RAPGEF5: variants seen among roughly 807,000 people sequenced by gnomAD.
The protein encoded by RAPGEF5 is Rap guanine nucleotide exchange factor 5.
A neutral mutation model predicts 125.2 loss-of-function variants in RAPGEF5; 65 were observed. The observed-to-expected ratio is 0.52, with a 90% confidence interval of 0.43 to 0.64. RAPGEF5 has a LOEUF of 0.64. Among genes scored for constraint, RAPGEF5 ranks in the 30% least tolerant of loss-of-function variants. The pLI is 0.00. For missense variants in RAPGEF5, 958 were observed against 1,048.1 expected, an observed-to-expected ratio of 0.91 and a Z score of 1.19; for synonymous variants, 391 against 385.9, an observed-to-expected ratio of 1.01 and a Z score of -0.16.
chr7:22,147,202 A>G lies in RAPGEF5; in HGVS notation c.1885-183T>C, dbSNP rs1472858950. Among the ~76,000 whole-genome samples, 3 of 152,206 alleles carry G rather than the reference A, an allele frequency of 2.0e-5. No individual in the cohort carries two copies. The East Asian group carries it at 5.8e-4, about 29-fold the overall frequency. On this transcript the variant is annotated intron_variant, in intron 18 of 25. Coordinates refer to ENST00000665637, the MANE Select transcript of RAPGEF5 (RefSeq NM_012294.5). ...GCCAATTTAGGAAACGGTCTTGGGA[A>G]CAGTAGAATGTGATCAATGATACTT... is the stretch of plus-strand genomic sequence containing the variant.
intron 20 of RAPGEF5, among the ~76,000 whole-genome samples, chr7:22,141,269 A>G (rs1409656955): frequency 6.6e-6 from 1 of 152,108 alleles, no homozygotes; most frequent in East Asian, 1.9e-4. Context: ...TGTATTTGTG[A>G]TTTTTTTCCC....
chr7:22,126,403 A>G (rs1583382306), intron 24 of RAPGEF5, among the ~76,000 whole-genome samples: 1 of 152,096 alleles, frequency 6.6e-6, no homozygotes, highest in East Asian at 1.9e-4. Flanking sequence ...GCTTTGTGTC[A>G]CTGTCATTGC....
At chr7:22,345,910 T>A (rs1583594829) in intron 1 of RAPGEF5, among the ~76,000 whole-genome samples, 1 of 152,342 alleles carries the variant, frequency 6.6e-6, no homozygotes, top group East Asian at 1.9e-4. Context: ...GATTTATAGA[T>A]GTGTTCTTTT....
intron 7 of RAPGEF5, among the ~76,000 whole-genome samples, chr7:22,238,337 TTTGTAAA>T (rs1488076566): frequency 1.3e-5 from 2 of 152,264 alleles, no homozygotes; most frequent in South Asian, 2.1e-4. Flanking sequence ...TAAAAATTAT[TTTGTAAA>T]TTGTAAATTG....
At chr7:22,334,515 A>G (rs889063926) in intron 1 of RAPGEF5, among the ~76,000 whole-genome samples, 1 of 152,186 alleles carries the variant, frequency 6.6e-6, no homozygotes, top group Non-Finnish European at 1.5e-5. Flanking sequence ...CTGATAAGGG[A>G]AAAGCTAAGG....
chr7:22,153,601 T>C (rs1226017729), intron 17 of RAPGEF5, among the ~76,000 whole-genome samples: 2 of 152,176 alleles, frequency 1.3e-5, no homozygotes, highest in Non-Finnish European at 2.9e-5. Flanking sequence ...AAGTATATTC[T>C]GATATTCATC....
intron 1 of RAPGEF5, among the ~76,000 whole-genome samples, chr7:22,343,956 A>G (rs1339841261): frequency 6.6e-6 from 1 of 152,152 alleles, no homozygotes; most frequent in East Asian, 1.9e-4. Flanking sequence ...CAGAGAAGGA[A>G]TGCCAATTCC....
chr7:22,131,680 G>T (rs1391909107), intron 23 of RAPGEF5, among the ~76,000 whole-genome samples: 4 of 152,208 alleles, frequency 2.6e-5, no homozygotes, highest in Non-Finnish European at 5.9e-5. Context: ...CATTCGACTA[G>T]TAGAAAGCAA....
At chr7:22,209,737 G>T (rs1197008481) in intron 9 of RAPGEF5, among the ~76,000 whole-genome samples, 1 of 152,098 alleles carries the variant, frequency 6.6e-6, no homozygotes, top group Non-Finnish European at 1.5e-5. Flanking sequence ...TTGTCTTAGG[G>T]CAAGGGTCAC....
At chr7:22,306,991 C>T (rs979934087) in intron 5 of RAPGEF5, among the ~76,000 whole-genome samples, 1 of 152,112 alleles carries the variant, frequency 6.6e-6, no homozygotes, top group African/African-American at 2.4e-5. Context: ...AATGTGATTC[C>T]TCCAGTTTTG....
At chr7:22,122,931 A>C (rs1315207145) in intron 25 of RAPGEF5, among the ~76,000 whole-genome samples, 2 of 152,170 alleles carry the variant, frequency 1.3e-5, no homozygotes, top group Non-Finnish European at 2.9e-5. Context: ...ACTGGGTCCT[A>C]TATCTCAGTC....
chr7:22,207,639 G>A (rs1386248280), intron 9 of RAPGEF5, among the ~76,000 whole-genome samples: 2 of 152,192 alleles, frequency 1.3e-5, no homozygotes, highest in African/African-American at 4.8e-5. Flanking sequence ...CAAGTTGCTT[G>A]CTACTTTACT....
chr7:22,269,354 A>G (rs1290102365), intron 6 of RAPGEF5, among the ~76,000 whole-genome samples: 3 of 152,108 alleles, frequency 2.0e-5, no homozygotes, highest in Non-Finnish European at 4.4e-5. Context: ...AATCATTTAA[A>G]GTTGTGTGAC....
chr7:22,270,324 A>G (rs1261060400), intron 6 of RAPGEF5, among the ~76,000 whole-genome samples: 2 of 152,228 alleles, frequency 1.3e-5, no homozygotes, highest in African/African-American at 4.8e-5. Flanking sequence ...TCCATCTGCC[A>G]CAGTCTGTGA....
intron 13 of RAPGEF5, among the ~76,000 whole-genome samples, chr7:22,161,536 C>T (rs548275760): frequency 2.6e-5 from 2 of 76,276 alleles, no homozygotes; most frequent in South Asian, 1.1e-3. Flanking sequence ...GACCCTGTCT[C>T]AACACACACA....
intron 6 of RAPGEF5, among the ~76,000 whole-genome samples, chr7:22,287,081 T>C (rs994849305): frequency 1.3e-5 from 2 of 152,240 alleles, no homozygotes; most frequent in Non-Finnish European, 2.9e-5. Flanking sequence ...AGTGTTTTTG[T>C]AGACTTTATG....
chr7:22,230,507 T>C (rs1254226793), intron 8 of RAPGEF5, among the ~76,000 whole-genome samples: 2 of 152,148 alleles, frequency 1.3e-5, no homozygotes, highest in Non-Finnish European at 2.9e-5. Context: ...TACTGGGAGG[T>C]AGCACAGAAC....
At chr7:22,263,706 G>T (rs1782214510) in intron 7 of RAPGEF5, among the ~76,000 whole-genome samples, 1 of 150,434 alleles carries the variant, frequency 6.6e-6, no homozygotes, top group African/African-American at 2.5e-5. Context: ...CTCCATTCTG[G>T]GCGACAGAGC....
intron 11 of RAPGEF5, among the ~76,000 whole-genome samples, chr7:22,177,273 G>C (rs1381514674): frequency 1.3e-5 from 2 of 152,254 alleles, no homozygotes; most frequent in East Asian, 3.9e-4. Context: ...TGTCTGGGCA[G>C]TCCTCCACAC....
Sources: allele counts gnomAD v4.1 joint callset (sites outside exome capture counted in the v4.1 genomes callset), GRCh38; gene constraint gnomAD v4.1.1; transcripts MANE v1.5; gene names NCBI Gene and HGNC (gene_info 2026-07-23, HGNC 2026-07-21).